KIF3C: variants seen among roughly 807,000 people sequenced by gnomAD.
KIF3C encodes the protein kinesin family member 3C.
Under a neutral mutation model 67.7 loss-of-function variants are expected in KIF3C, and 12 were observed. That is an observed-to-expected ratio of 0.18 (90% CI 0.11 to 0.29). The LOEUF (loss-of-function observed/expected upper bound fraction) is 0.29. Among genes scored for constraint, KIF3C ranks in the 10% least tolerant of loss-of-function variants. The probability of loss-of-function intolerance (pLI) is 1.00; values close to 1 mark genes in which losing one functional copy is unlikely to be tolerated. For synonymous variants in KIF3C, 393 were observed against 426.2 expected (o/e 0.92, Z 0.96); for missense variants, 789 against 1,059.6 (o/e 0.74, Z 3.55).
chr2:25,943,315 T>C (rs1421833654), intron 5 of KIF3C, among the ~76,000 whole-genome samples: 1 of 152,036 alleles, frequency 6.6e-6, no homozygotes, highest in African/African-American at 2.4e-5. Context: ...AAAGCTGCCT[T>C]GTTCAAGGAC....
chr2:25,945,108 G>A (rs986870269), intron 5 of KIF3C, among the ~76,000 whole-genome samples: 7 of 150,958 alleles, frequency 4.6e-5, no homozygotes, highest in Non-Finnish European at 1.0e-4. Context: ...TCCAGCTTGG[G>A]CAACAAGAGC....
intron 5 of KIF3C, among the ~76,000 whole-genome samples, chr2:25,938,992 C>G (rs1663213990): frequency 1.3e-5 from 2 of 152,048 alleles, no homozygotes; most frequent in Non-Finnish European, 2.9e-5. Context: ...TCCTCTCCTT[C>G]CTTCCTGCTC....
Position 25,955,634 on chromosome 2 carries a change from C to A in KIF3C, c.1677G>T (p.Glu559Asp). ...TAGTCTCCTCGTCCCGGAGCATCATCTCCTGCTGCATCTCCCGCTCACGAC... is the reference window on the plus strand; with the variant it reads ...TAGTCTCCTCGTCCCGGAGCATCATATCCTGCTGCATCTCCCGCTCACGAC... ...QKRREREMQQ[E>D]MMLRDEETME... The change falls in exon 3 of 8, where the codon GAG (glutamate) becomes GAT (aspartate). Residue 559 changes from glutamate (E) to aspartate (D), a missense_variant. This residue lies in a region of KIF3C where 648 missense variants were observed against 807.8 expected (regional missense o/e 0.80). Coordinates refer to ENST00000264712, the MANE Select transcript of KIF3C (RefSeq NM_002254.8). The surrounding 1 kb of genome is among the most constrained non-coding windows in gnomAD (Gnocchi z 5.0). 1 of 1,614,182 alleles carries A rather than the reference C, an allele frequency of 6.2e-7. No homozygotes were observed. Among genetic ancestry groups the A allele is most frequent in the Non-Finnish European group, 8.5e-7 (1 of 1,180,012 alleles).
intron 1 of KIF3C, among the ~76,000 whole-genome samples, chr2:25,970,969 A>T (rs981575800): frequency 7.2e-6 from 1 of 138,104 alleles, no homozygotes; most frequent in Non-Finnish European, 1.6e-5. Flanking sequence ...ATGAAGGAAA[A>T]AAAAAAAAAA....
rs1296304036 is a variant in KIF3C, at chr2:25,926,931, AAGAGAGAC to A, written c.*2039_*2046del. 2 of 152,152 alleles carry A rather than the reference AAGAGAGAC, an allele frequency of 1.3e-5. No individual in the cohort carries two copies. The highest frequency in any genetic ancestry group is 4.8e-5 in the African/African-American group (2 of 41,440). 9.4% of individuals were successfully genotyped at this position (152,152 alleles called of 1,614,324 possible). ...GATACACCAAAAGGAAAAGGAGAGA[AAGAGAGAC>A]AGAGAGACTGAGATCCAGCCACTCC... On this transcript the variant is annotated 3_prime_UTR_variant, in exon 8 of 8. Coordinates refer to ENST00000264712, the MANE Select transcript of KIF3C (RefSeq NM_002254.8).
intron 1 of KIF3C, among the ~76,000 whole-genome samples, chr2:25,970,788 A>G (rs1251534394): frequency 6.6e-6 from 1 of 151,834 alleles, no homozygotes; most frequent in Non-Finnish European, 1.5e-5. Context: ...GGCCCACCTG[A>G]AGAAAGGAGA....
chr2:25,940,714 G>A (rs1376248405), intron 5 of KIF3C, among the ~76,000 whole-genome samples: 14 of 128,726 alleles, frequency 1.1e-4, no homozygotes, highest in Non-Finnish European at 1.9e-4. Context: ...GCAGTGGTGC[G>A]ATCTCAGCTC....
At chr2:25,938,436 C>T (rs767094148) in intron 5 of KIF3C, 16 of 361,784 alleles carry the variant, frequency 4.4e-5, no homozygotes, top group Admixed American at 7.0e-5. Context: ...GGGGTTCCCC[C>T]CAAGGACTCT....
At chr2:25,954,083 A>C in intron 4 of KIF3C, 184 bp downstream of exon 4, 1 of 636,664 alleles carries the variant, frequency 1.6e-6, no homozygotes, top group Non-Finnish European at 2.8e-6. Context: ...GGGTTCATCA[A>C]ATACAGGCAG....
chr2:25,973,820 G>A (rs1408916174), intron 1 of KIF3C, among the ~76,000 whole-genome samples: 1 of 152,174 alleles, frequency 6.6e-6, no homozygotes, highest in Non-Finnish European at 1.5e-5. Flanking sequence ...CAAAGGAAGG[G>A]GTAGAACAGC....
In KIF3C at chr2:25,955,766, T is replaced by C; in HGVS notation, c.1648-103A>G. On this transcript the variant is annotated intron_variant, in intron 2 of 7. Coordinates refer to ENST00000264712, the MANE Select transcript of KIF3C (RefSeq NM_002254.8). The surrounding 1 kb of genome is among the most constrained non-coding windows in gnomAD (Gnocchi z 5.0). ...CACTCTGCCTGTCTCGGGACCTGGC[T>C]TCACCATGGCCCATGGCCCACATCC... 1.4e-6 allele frequency: 2 copies of C among 1,398,202 alleles called. No homozygotes were observed. The highest frequency in any genetic ancestry group is 2.0e-6 in the Non-Finnish European group (2 of 1,013,714). 86.6% of individuals were successfully genotyped at this position (1,398,202 alleles called of 1,614,324 possible).
chr2:25,932,334 TCACCATC>T lies in KIF3C; in HGVS notation c.2007-2278_2007-2272del, dbSNP rs2090467540. 9.9e-5 allele frequency among the ~76,000 whole-genome samples: 15 copies of T among 150,784 alleles called. No homozygotes were observed. The South Asian group carries it at 3.2e-3, about 32-fold the overall frequency. ...TAACTTTTAGTAGAGACAGGGGGTT[TCACCATC>T]TTGGCCAGGCTGGTCTCAAACTCCT... On this transcript the variant is annotated intron_variant, in intron 5 of 7. Coordinates refer to ENST00000264712, the MANE Select transcript of KIF3C (RefSeq NM_002254.8).
Position 25,926,937 on chromosome 2 carries a change from GAC to G in KIF3C, c.*2039_*2040del, listed in dbSNP as rs1286221052. The G allele has an allele frequency of 6.6e-6, 1 of 152,244 alleles. No individual in the cohort carries two copies. The highest frequency in any genetic ancestry group is 1.5e-5 in the Non-Finnish European group (1 of 68,050). The allele number at this position is 152,244 out of a possible 1,614,324, so 9.4% of individuals were successfully genotyped here. On this transcript the variant is annotated 3_prime_UTR_variant, in exon 8 of 8. Coordinates refer to ENST00000264712, the MANE Select transcript of KIF3C (RefSeq NM_002254.8). Reference sequence around the variant, plus strand: ...CCAAAAGGAAAAGGAGAGAAAGAGAGACAGAGAGACTGAGATCCAGCCACTCC... The same window carrying G: ...CCAAAAGGAAAAGGAGAGAAAGAGAGAGAGAGACTGAGATCCAGCCACTCC...
chr2:25,954,786 C>T (rs1258836910), intron 3 of KIF3C, among the ~76,000 whole-genome samples: 1 of 152,192 alleles, frequency 6.6e-6, no homozygotes, highest in African/African-American at 2.4e-5. Flanking sequence ...ATTTGGAGAC[C>T]CAGCTCAGGA....
chr2:25,970,965 GAAA>G (rs970182694), intron 1 of KIF3C, among the ~76,000 whole-genome samples: 1 of 49,324 alleles, frequency 2.0e-5, no homozygotes, highest in Non-Finnish European at 3.7e-5. Context: ...CTCTATGAAG[GAAA>G]AAAAAAAAAA....
rs773443537 is a variant in KIF3C at position 25,981,573 on chromosome 2, C to T, written c.345G>A (p.Glu115=). 1.2e-6 allele frequency: 2 copies of T among 1,614,224 alleles called. No individual in the cohort carries two copies. The highest frequency in any genetic ancestry group is 2.2e-5 in the South Asian group (2 of 91,086). Residue 115 remains glutamate (E), a synonymous_variant, in exon 1 of 8, where the codon GAG becomes GAA. Coordinates refer to ENST00000264712, the MANE Select transcript of KIF3C (RefSeq NM_002254.8). The surrounding 1 kb of genome is among the most constrained non-coding windows in gnomAD (Gnocchi z 8.2). Reference sequence around the variant, plus strand: ...AGGCATTCGGGATGACCCCGCGCAGCTCGGGCTCCACCCAGGTCCCCTGCA... The same window carrying T: ...AGGCATTCGGGATGACCCCGCGCAGTTCGGGCTCCACCCAGGTCCCCTGCA... ...YTMQGTWVEP[E]LRGVIPNAFE... is the part of the protein sequence containing the mutation.
chr2:25,952,992 G>A (rs1663665395), intron 4 of KIF3C, among the ~76,000 whole-genome samples: 1 of 152,134 alleles, frequency 6.6e-6, no homozygotes, highest in African/African-American at 2.4e-5. Context: ...CATGTGGCCA[G>A]GCGAGGTGGC....
chr2:25,970,462 G>T (rs1019515058), intron 1 of KIF3C, among the ~76,000 whole-genome samples: 2 of 151,516 alleles, frequency 1.3e-5, no homozygotes, highest in African/African-American at 2.4e-5. Context: ...GAGATCAGGA[G>T]TTCGGCGCCA....
At chr2:25,968,537 G>A (rs548774494) in intron 1 of KIF3C, among the ~76,000 whole-genome samples, 1 of 152,260 alleles carries the variant, frequency 6.6e-6, no homozygotes, top group East Asian at 1.9e-4. Flanking sequence ...GCTTATTTGT[G>A]ACTTTCTAGA....
Sources: gnomAD v4.1 joint callset for allele counts (sites outside exome capture counted in the v4.1 genomes callset) on GRCh38, gnomAD v4.1.1 for gene constraint, gnomAD v4.1.1 regional missense constraint, Gnocchi (gnomAD v3.1) non-coding constraint, MANE v1.5 for transcripts, NCBI Gene and HGNC (gene_info 2026-07-23, HGNC 2026-07-21) for gene names.